TTC7A: variants seen among roughly 807,000 people sequenced by gnomAD.
TTC7A encodes the protein tetratricopeptide repeat protein 7A.
A neutral mutation model predicts 103.7 loss-of-function variants in TTC7A; 110 were observed. The ratio of observed to expected loss-of-function variants is 1.06; its 90% CI spans 0.91 to 1.24. The LOEUF (loss-of-function observed/expected upper bound fraction) is 1.24. TTC7A is among the 50% of genes most tolerant of loss of function. TTC7A has a pLI of 0.00. For missense variants in TTC7A, 1,340 were observed against 1,116.3 expected, an observed-to-expected ratio of 1.20 and a Z score of -2.86; for synonymous variants, 521 against 467.9, an observed-to-expected ratio of 1.11 and a Z score of -1.47.
At chr2:46,958,891 G>A (rs1672137889) in intron 3 of TTC7A, among the ~76,000 whole-genome samples, 1 of 152,170 alleles carries the variant, frequency 6.6e-6, no homozygotes, top group Non-Finnish European at 1.5e-5. Flanking sequence ...GCATGAGGGT[G>A]GTGGCAGCAG....
intron 8 of TTC7A, among the ~76,000 whole-genome samples, chr2:47,001,019 G>C (rs896478294): frequency 6.6e-5 from 10 of 152,074 alleles, no homozygotes; most frequent in Non-Finnish European, 1.5e-4. Flanking sequence ...AGAATGTCTG[G>C]GCTCTAATTT....
At position 47,029,359 on chromosome 2, in the gene TTC7A, A is replaced by G. The variant is rs756293453; in HGVS notation, c.1777A>G (p.Ile593Val). The G allele has an allele frequency of 5.0e-6, 8 of 1,613,802 alleles. No homozygotes were observed. The highest frequency in any genetic ancestry group is 6.8e-6 in the Non-Finnish European group (8 of 1,180,032). ...TGCCCTGGATGTTGTCAACATGGCC[A>G]TCACCGAGCACCCTGAGAACTTCAA... ...QHALDVVNMA[I>V]TEHPENFNLM... The change falls in exon 15 of 20, where the codon ATC becomes GTC. Residue 593 changes from isoleucine to valine, a missense_variant. Coordinates refer to ENST00000319190, the MANE Select transcript of TTC7A (RefSeq NM_020458.4).
At chr2:47,049,554 G>T (rs1199378394) in intron 16 of TTC7A, among the ~76,000 whole-genome samples, 1 of 152,018 alleles carries the variant, frequency 6.6e-6, no homozygotes, top group Non-Finnish European at 1.5e-5. Context: ...GGGGTTTGGG[G>T]GTTGCAGCAC....
At chr2:46,931,204 C>A (rs1296828441) in intron 2 of TTC7A, among the ~76,000 whole-genome samples, 1 of 152,188 alleles carries the variant, frequency 6.6e-6, no homozygotes, top group Non-Finnish European at 1.5e-5. Flanking sequence ...CAGCTTTCAG[C>A]TGTAGCTGGG....
chr2:46,932,852 G>T (rs1237436195), intron 2 of TTC7A, among the ~76,000 whole-genome samples: 9 of 145,708 alleles, frequency 6.2e-5, no homozygotes, highest in Non-Finnish European at 8.9e-5. Context: ...AGCAAGCGCA[G>T]ATCGCACCAC....
chr2:47,036,488 G>T (rs1168741465), intron 15 of TTC7A, among the ~76,000 whole-genome samples: 3 of 152,190 alleles, frequency 2.0e-5, no homozygotes, highest in African/African-American at 7.2e-5. Flanking sequence ...TCCCTTCTGT[G>T]TTAGGGATTA....
chr2:46,999,740 CTT>C (rs1351353433), intron 8 of TTC7A: 1 of 985,338 alleles, frequency 1.0e-6, no homozygotes, highest in African/African-American at 1.7e-5. Context: ...ATACAGGAAT[CTT>C]TCTTATTTCT....
intron 1 of TTC7A, among the ~76,000 whole-genome samples, chr2:46,948,522 G>C (rs1229301227): frequency 6.6e-6 from 1 of 152,114 alleles, no homozygotes; most frequent in Non-Finnish European, 1.5e-5. Flanking sequence ...GGTGCCTTCA[G>C]AACGAAACCC....
chr2:46,976,367 T>C (rs1346918790), intron 4 of TTC7A, among the ~76,000 whole-genome samples: 1 of 152,192 alleles, frequency 6.6e-6, no homozygotes, highest in Non-Finnish European at 1.5e-5. Context: ...GGGAAGATAT[T>C]GGGGATGATG....
At chr2:46,999,413 C>A in intron 8 of TTC7A, 2 of 866,352 alleles carry the variant, frequency 2.3e-6, no homozygotes, top group Non-Finnish European at 2.8e-6. Flanking sequence ...CACCTACCAA[C>A]CCTGCATCTA....
At chr2:47,027,366 A>G (rs1000365310) in intron 14 of TTC7A, among the ~76,000 whole-genome samples, 2 of 152,260 alleles carry the variant, frequency 1.3e-5, no homozygotes, top group African/African-American at 4.8e-5. Context: ...ACACAGGCTT[A>G]GCAGCCTGCA....
upstream of TTC7A, among the ~76,000 whole-genome samples, chr2:46,941,003 G>GT (rs1670285345): frequency 6.6e-6 from 1 of 151,508 alleles, no homozygotes; most frequent in South Asian, 2.1e-4. The surrounding 1 kb of genome is among the most constrained non-coding windows in gnomAD (Gnocchi z 4.2). Context: ...GGGCGCCGGG[G>GT]CTCCGCGCGG....
At chr2:47,025,631 T>C (rs1679819354) in intron 14 of TTC7A, among the ~76,000 whole-genome samples, 1 of 152,230 alleles carries the variant, frequency 6.6e-6, no homozygotes, top group African/African-American at 2.4e-5. Context: ...ACTCTGTTTC[T>C]GAGGCATTCT....
intron 18 of TTC7A, among the ~76,000 whole-genome samples, chr2:47,053,543 T>TTTGGTTGG (rs35563040): frequency 0.049 from 6,870 of 140,122 alleles, 230 homozygotes; most frequent in Non-Finnish European, 0.055. Flanking sequence ...TGTTTGTTTG[T>TTTGGTTGG]TTGGTTGGTT....
intron 19 of TTC7A, among the ~76,000 whole-genome samples, chr2:47,066,891 T>G (rs564229757): frequency 5.3e-5 from 8 of 152,306 alleles, no homozygotes; most frequent in African/African-American, 1.9e-4. Flanking sequence ...TAATTTACAA[T>G]AAGCAGAAAC....
chr2:47,007,226 T>A lies in TTC7A; in HGVS notation c.1287+502T>A, dbSNP rs1677511462. On this transcript the variant is annotated intron_variant, in intron 10 of 19. Transcript: ENST00000319190. This position sits in a 1 kb window ranked among gnomAD's most constrained non-coding sequence, Gnocchi z 4.9. ...GGGAGTACTGCATGATGCATGGGGC[T>A]GGGAGCACCTGCATGGGGACAGGGC... 6.6e-6 allele frequency among the ~76,000 whole-genome samples: 1 copy of A among 152,028 alleles called. No homozygotes were observed. The highest frequency in any genetic ancestry group is 2.1e-4 in the South Asian group (1 of 4,818).
chr2:47,064,007 A>G (rs1490590231), intron 19 of TTC7A, among the ~76,000 whole-genome samples: 1 of 152,226 alleles, frequency 6.6e-6, no homozygotes, highest in African/African-American at 2.4e-5. Flanking sequence ...CCAAGAGCAG[A>G]TTCTCTACTC....
chr2:46,974,568 G>C (rs1431453469), intron 3 of TTC7A: 4 of 435,550 alleles, frequency 9.2e-6, no homozygotes, highest in Non-Finnish European at 1.8e-5. Context: ...GTGAAGGGAA[G>C]GTAAAGGTTA....
At chr2:47,071,211 A>C (rs1490072634) in intron 19 of TTC7A, 1 of 152,260 alleles carries the variant, frequency 6.6e-6, no homozygotes, top group Non-Finnish European at 1.5e-5. Context: ...ACCAAACATG[A>C]ACTCGGCTGG....
Sources: allele counts gnomAD v4.1 joint callset (sites outside exome capture counted in the v4.1 genomes callset), GRCh38; gene constraint gnomAD v4.1.1; non-coding constraint Gnocchi (gnomAD v3.1); transcripts MANE v1.5; gene names NCBI Gene and HGNC (gene_info 2026-07-23, HGNC 2026-07-21).